Variants in IYD observed in about 807,000 individuals in gnomAD.
IYD encodes iodotyrosine deiodinase 1.
Under a neutral mutation model 28.4 loss-of-function variants are expected in IYD, and 25 were observed. The ratio of observed to expected loss-of-function variants is 0.88; its 90% CI spans 0.64 to 1.23. IYD has a LOEUF of 1.23. Ranked by LOEUF, IYD falls within the 50% of genes most tolerant of loss-of-function variation. The probability of loss-of-function intolerance (pLI) is 0.00; values close to 1 mark genes in which losing one functional copy is unlikely to be tolerated. For missense variants in IYD, 352 were observed against 357.9 expected, an observed-to-expected ratio of 0.98 and a Z score of 0.13; for synonymous variants, 140 against 130.8, an observed-to-expected ratio of 1.07 and a Z score of -0.48.
chr6:150,398,455 A>G lies in IYD; in HGVS notation c.*218A>G, dbSNP rs1031951427. On this transcript the variant is annotated 3_prime_UTR_variant, in exon 5 of 5. Coordinates refer to ENST00000344419, the MANE Select transcript of IYD (RefSeq NM_203395.3). The stretch of plus-strand genomic sequence containing the variant: ...TCTTATCCACTTTGGAAATGCATGA[A>G]CACTTTACAAAGAACATGCCCGGGT... 6 of 568,802 alleles carry G rather than the reference A, an allele frequency of 1.1e-5. No homozygotes were observed. The Admixed American group carries it at 1.2e-4, about 12-fold the overall frequency. The allele number at this position is 568,802 out of a possible 1,614,324, so 35.2% of individuals were successfully genotyped here.
chr6:150,392,427 G>C lies in IYD; in HGVS notation c.453G>C (p.Lys151Asn). Reference protein sequence around the residue: ...KDPDVKHKIRKIIEEEEEINY... With the variant: ...KDPDVKHKIRNIIEEEEEINY... ...CAGACGTGAAGCACAAGATTCGAAA[G>C]ATCATTGAGGAGGAAGAGGAGATCA... The change falls in exon 3 of 5, where the codon AAG becomes AAC. Residue 151 changes from lysine (K) to asparagine (N), a missense_variant. By Grantham distance (94) the Lys-to-Asn change is moderately conservative (BLOSUM62 0). Transcript: ENST00000344419. 5 of 1,613,974 alleles carry C rather than the reference G, an allele frequency of 3.1e-6. No individual in the cohort carries two copies. The highest frequency in any genetic ancestry group is 1.3e-5 in the African/African-American group (1 of 75,044).
chr6:150,396,454 G>T (rs1582802822), intron 4 of IYD: 1 of 695,354 alleles, frequency 1.4e-6, no homozygotes, highest in East Asian at 2.7e-5. Context: ...TGTTTAATAT[G>T]GTCTGTGTAT....
At chr6:150,391,651 C>T (rs1262958100) in intron 2 of IYD, among the ~76,000 whole-genome samples, 2 of 152,180 alleles carry the variant, frequency 1.3e-5, no homozygotes, top group African/African-American at 4.8e-5. Context: ...ACAGGGTTCA[C>T]TGCCAGGCAT....
intron 1 of IYD, among the ~76,000 whole-genome samples, chr6:150,378,432 TG>T (rs1777529263): frequency 6.6e-6 from 1 of 152,150 alleles, no homozygotes; most frequent in Admixed American, 6.5e-5. Flanking sequence ...ATGCGGTGTT[TG>T]GTTTTTTGTC....
At chr6:150,395,872 A>G (rs1778294303) in intron 4 of IYD, 3 of 575,114 alleles carry the variant, frequency 5.2e-6, no homozygotes, top group Non-Finnish European at 9.3e-6. Context: ...TGTTATTTGG[A>G]GGCTTGGAAA....
Position 150,389,355 on chromosome 6 carries a change from C to T in IYD, c.182C>T (p.Ala61Val). The T allele has an allele frequency of 6.2e-7, 1 of 1,612,084 alleles. No individual in the cohort carries two copies. The highest frequency in any genetic ancestry group is 1.7e-5 in the Admixed American group (1 of 60,020). ...CCTTTCTTATTCTTATTTGCAGATG[C>T]TGATGAATGGCAAGAATCAGAAGAA... is the stretch of plus-strand genomic sequence containing the variant. ...SSDLHQAEED[A>V]DEWQESEENV... Residue 61 changes from alanine (A) to valine (V), a missense_variant, in exon 2 of 5, where the codon GCT becomes GTT. Ala to Val is a moderately conservative substitution (Grantham distance 64). Transcript: ENST00000344419.
chr6:150,404,868 A>G lies in IYD; in HGVS notation c.*6631A>G, dbSNP rs1291252462. On this transcript the variant is annotated 3_prime_UTR_variant, in exon 5 of 5. Coordinates refer to ENST00000344419, the MANE Select transcript of IYD (RefSeq NM_203395.3). Reference sequence around the variant, plus strand: ...CTCCTAGTGAGAAGTCTGGAGGTAGATATTAGATGCTGGTCTATTGCTTCA... The same window carrying G: ...CTCCTAGTGAGAAGTCTGGAGGTAGGTATTAGATGCTGGTCTATTGCTTCA... The G allele has an allele frequency of 6.6e-6, 1 of 152,234 alleles. No individual in the cohort carries two copies. Among genetic ancestry groups the G allele is most frequent in the Non-Finnish European group, 1.5e-5 (1 of 68,046 alleles). 9.4% of individuals were successfully genotyped at this position (152,234 alleles called of 1,614,324 possible). A position where few individuals can be genotyped will look rare whatever the true frequency, so the allele number is the denominator to read the frequency against.
At chr6:150,386,416 G>C (rs1414702818) in intron 1 of IYD, among the ~76,000 whole-genome samples, 4 of 151,450 alleles carry the variant, frequency 2.6e-5, no homozygotes, top group Admixed American at 1.3e-4. Context: ...TACAGTCAGA[G>C]ATCATTATCT....
intron 1 of IYD, among the ~76,000 whole-genome samples, chr6:150,378,841 C>T (rs546861143): frequency 0.013 from 1,994 of 152,248 alleles, 44 homozygotes; most frequent in African/African-American, 0.045. Context: ...CACATGCACA[C>T]GTATGTTTAT....
Position 150,389,270 on chromosome 6 carries a change from G to A in IYD, c.179-82G>A, listed in dbSNP as rs11963823. ...TGAGTTCATAACCTTACACATTTAA[G>A]CACTTTATCTTCTTCTCCCCAGCGG... is the stretch of plus-strand genomic sequence containing the variant. On this transcript the variant is annotated intron_variant, in intron 1 of 4. Coordinates refer to ENST00000344419, the MANE Select transcript of IYD (RefSeq NM_203395.3). The A allele has an allele frequency of 4.1e-3, 4,065 of 982,872 alleles. 104 individuals carry two copies. The African/African-American group carries it at 0.058, about 14-fold the overall frequency. 60.9% of individuals were successfully genotyped at this position (982,872 alleles called of 1,614,324 possible).
At chr6:150,371,475 C>T (rs1188595548) in intron 1 of IYD, among the ~76,000 whole-genome samples, 1 of 151,666 alleles carries the variant, frequency 6.6e-6, no homozygotes, top group African/African-American at 2.4e-5. Flanking sequence ...CAAGGAAAGG[C>T]CACTGGATTT....
chr6:150,388,675 C>T (rs1158611720), intron 1 of IYD, among the ~76,000 whole-genome samples: 1 of 133,410 alleles, frequency 7.5e-6, no homozygotes, highest in African/African-American at 2.8e-5. Flanking sequence ...TTCTTTCTTT[C>T]TTTCTTTCTT....
intron 1 of IYD, among the ~76,000 whole-genome samples, chr6:150,387,252 G>A (rs540258416): frequency 6.6e-5 from 10 of 151,928 alleles, no homozygotes; most frequent in African/African-American, 2.2e-4. Flanking sequence ...TCCCCTTGTA[G>A]CAGCTGTGTT....
Position 150,394,126 on chromosome 6 carries a change from T to C in IYD, c.558T>C (p.Asp186=). ...CCAACTGGATTAAAGAGTACTTGGA[T>C]ACTGCCCCTATTTTGATTCTCATTT... ...LRTNWIKEYL[D]TAPILILIFK... is the part of the protein sequence containing the mutation. Residue 186 remains aspartate (D), a synonymous_variant, in exon 4 of 5, where the codon GAT becomes GAC. Transcript: ENST00000344419. 1 of 1,614,238 alleles carries C rather than the reference T, an allele frequency of 6.2e-7. No homozygotes were observed. The highest frequency in any genetic ancestry group is 2.2e-5 in the East Asian group (1 of 44,890).
chr6:150,385,351 T>G (rs1777820862), intron 1 of IYD, among the ~76,000 whole-genome samples: 1 of 152,102 alleles, frequency 6.6e-6, no homozygotes, highest in Non-Finnish European at 1.5e-5. Flanking sequence ...GTGGTGGGGT[T>G]TTTCCCCCCA....
intron 1 of IYD, chr6:150,370,734 A>G (rs1582762521): frequency 1.1e-6 from 1 of 880,976 alleles, no homozygotes; most frequent in Non-Finnish European, 1.4e-6. Context: ...GAAGGCGTGG[A>G]TCAGAGTAAA....
At chr6:150,370,377 G>A (rs1396708348) in intron 1 of IYD, 4 of 478,066 alleles carry the variant, frequency 8.4e-6, no homozygotes, top group Non-Finnish European at 1.1e-5. Flanking sequence ...GTGTGAGCAT[G>A]CATGAGTTTG....
chr6:150,394,191 A>T lies in IYD; in HGVS notation c.623A>T (p.Lys208Ile), dbSNP rs1778227282. 1.2e-6 allele frequency: 2 copies of T among 1,614,062 alleles called. No individual in the cohort carries two copies. Among genetic ancestry groups the T allele is most frequent in the African/African-American group, 2.7e-5 (2 of 74,924 alleles). The part of the protein sequence containing the change: ...VHGFAANGKK[K>I]VHYYNEISVS... The stretch of plus-strand genomic sequence containing the variant: ...GGTTTCGCCGCAAATGGCAAGAAAA[A>T]AGTCCACTACTACAATGAGATCAGT... The change falls in exon 4 of 5, where the codon AAA becomes ATA. Residue 208 changes from lysine (K) to isoleucine (I), a missense_variant. Coordinates refer to ENST00000344419, the MANE Select transcript of IYD (RefSeq NM_203395.3).
At chr6:150,382,408 GGAGAACCTAA>G (rs1325775907) in intron 1 of IYD, among the ~76,000 whole-genome samples, 1 of 151,982 alleles carries the variant, frequency 6.6e-6, no homozygotes, top group East Asian at 1.9e-4. Flanking sequence ...TCAGCTTCTT[GGAGAACCTAA>G]GTAGAGACAT....
Sources: allele counts gnomAD v4.1 joint callset (sites outside exome capture counted in the v4.1 genomes callset), GRCh38; gene constraint gnomAD v4.1.1; transcripts MANE v1.5; gene names NCBI Gene and HGNC (gene_info 2026-07-23, HGNC 2026-07-21).